BABAM2: variants seen among roughly 807,000 people sequenced by gnomAD.
BABAM2 encodes BRISC and BRCA1-A complex member 2.
A neutral mutation model predicts 54.7 loss-of-function variants in BABAM2; 31 were observed. That is an observed-to-expected ratio of 0.57 (90% CI 0.43 to 0.77). BABAM2 has a LOEUF of 0.77. BABAM2 is among the 30% of genes least tolerant of loss of function. The pLI is 0.00. For synonymous variants in BABAM2, 167 were observed against 162.9 expected (o/e 1.03, Z -0.19); for missense variants, 364 against 455.8 (o/e 0.80, Z 1.83).
At chr2:28,232,889 A>G (rs1681547645) in intron 7 of BABAM2, among the ~76,000 whole-genome samples, 1 of 152,150 alleles carries the variant, frequency 6.6e-6, no homozygotes, top group Non-Finnish European at 1.5e-5. Context: ...TTCAGTATAG[A>G]CAGTTCTTAC....
intron 10 of BABAM2, among the ~76,000 whole-genome samples, chr2:28,250,543 CT>C (rs1160535759): frequency 6.8e-6 from 1 of 147,192 alleles, no homozygotes; most frequent in Admixed American, 6.8e-5. Flanking sequence ...AACAATATAG[CT>C]TTTTCTGTCA....
chr2:28,158,846 G>C (rs1300731723), intron 7 of BABAM2, among the ~76,000 whole-genome samples: 1 of 152,220 alleles, frequency 6.6e-6, no homozygotes, highest in African/African-American at 2.4e-5. Flanking sequence ...TAAGTTGGCA[G>C]AGTAGGAAAT....
intron 7 of BABAM2, among the ~76,000 whole-genome samples, chr2:28,183,218 C>T (rs1206146094): frequency 6.6e-6 from 1 of 152,142 alleles, no homozygotes; most frequent in Admixed American, 6.5e-5. Context: ...TGGGGTGGAT[C>T]ACCTGAGGTC....
chr2:28,067,834 A>AT lies in BABAM2; in HGVS notation c.570+22036dup, dbSNP rs549356250. On this transcript the variant is annotated intron_variant, in intron 6 of 11. Transcript: ENST00000379624. ...ATGCTGGGAAGAGTTGAAGCTCCTT[A>AT]TGGCAGAATTGGTGTAATTCACCTT... Among the ~76,000 whole-genome samples the AT allele has an allele frequency of 9.8e-5, 15 of 152,334 alleles. No homozygotes were observed. The East Asian group carries it at 2.9e-3, about 29-fold the overall frequency.
chr2:28,246,035 A>G (rs1044615840), intron 10 of BABAM2, among the ~76,000 whole-genome samples: 2 of 152,170 alleles, frequency 1.3e-5, no homozygotes, highest in Non-Finnish European at 2.9e-5. Context: ...TCATATAGAG[A>G]TGATCGAGCG....
chr2:28,205,988 G>T (rs1465346609), intron 7 of BABAM2, among the ~76,000 whole-genome samples: 1 of 152,084 alleles, frequency 6.6e-6, no homozygotes, highest in Non-Finnish European at 1.5e-5. Flanking sequence ...AATCAAGTAG[G>T]AATTAGGAAG....
chr2:28,155,528 G>T (rs1439066293), intron 7 of BABAM2, among the ~76,000 whole-genome samples: 1 of 152,082 alleles, frequency 6.6e-6, no homozygotes, highest in African/African-American at 2.4e-5. Context: ...TCATACTAAG[G>T]TGACTGAGCT....
At chr2:28,110,540 C>T (rs1667908759) in intron 6 of BABAM2, among the ~76,000 whole-genome samples, 3 of 152,050 alleles carry the variant, frequency 2.0e-5, no homozygotes, top group Non-Finnish European at 1.5e-5. Flanking sequence ...AGGAGAATCA[C>T]TTGAACCCGG....
At chr2:28,012,870 T>C in intron 4 of BABAM2, among the ~76,000 whole-genome samples, 1 of 152,160 alleles carries the variant, frequency 6.6e-6, no homozygotes. Flanking sequence ...GAAGATTAGA[T>C]CAAGAGATGT....
intron 11 of BABAM2, chr2:28,309,325 CAT>C (rs1481941972): frequency 6.6e-6 from 1 of 152,122 alleles, no homozygotes; most frequent in Non-Finnish European, 1.5e-5. Flanking sequence ...CTCTGCCTTC[CAT>C]ATGTCTTCTG....
rs529003789 is a variant in BABAM2 at position 28,322,431 on chromosome 2, C to G, written c.1089-16019C>G. Among the ~76,000 whole-genome samples, 1 of 152,222 alleles carries G rather than the reference C, an allele frequency of 6.6e-6. No individual in the cohort carries two copies. Among genetic ancestry groups the G allele is most frequent in the Non-Finnish European group, 1.5e-5 (1 of 68,038 alleles). ...AGTTTCAAGGGGACAGATTCCAGTT[C>G]GGGAGAGAGAAGAACCCTGTAACTC... is the stretch of plus-strand genomic sequence containing the variant. On this transcript the variant is annotated intron_variant, in intron 11 of 11. Coordinates refer to ENST00000379624, the MANE Select transcript of BABAM2 (RefSeq NM_199191.3). The surrounding 1 kb of genome is among the most constrained non-coding windows in gnomAD (Gnocchi z 4.1).
chr2:27,955,458 T>TA (rs1253639845), intron 3 of BABAM2, among the ~76,000 whole-genome samples: 1 of 152,220 alleles, frequency 6.6e-6, no homozygotes, highest in Non-Finnish European at 1.5e-5. Flanking sequence ...CTAAAGTTAC[T>TA]AGGTAGCAAT....
At chr2:28,137,104 A>G (rs1055524874) in intron 7 of BABAM2, among the ~76,000 whole-genome samples, 1 of 152,138 alleles carries the variant, frequency 6.6e-6, no homozygotes, top group African/African-American at 2.4e-5. Flanking sequence ...TAAAGAAAAA[A>G]ATTCTTGCCT....
At chr2:28,030,190 A>G (rs192624028) in intron 5 of BABAM2, among the ~76,000 whole-genome samples, 1 of 152,290 alleles carries the variant, frequency 6.6e-6, no homozygotes, top group Non-Finnish European at 1.5e-5. Flanking sequence ...CTCAGCTAAT[A>G]CTTGAGTTGT....
chr2:27,996,214 C>A (rs535817440), intron 4 of BABAM2, among the ~76,000 whole-genome samples: 1 of 152,350 alleles, frequency 6.6e-6, no homozygotes, highest in South Asian at 2.1e-4. Flanking sequence ...ACGCAGTCTT[C>A]TTCCAGAGAG....
chr2:28,011,316 C>A (rs1307521277), intron 4 of BABAM2, among the ~76,000 whole-genome samples: 1 of 152,130 alleles, frequency 6.6e-6, no homozygotes, highest in Non-Finnish European at 1.5e-5. Context: ...TTGTGGATAT[C>A]CTTTCCTTCA....
rs1490341306 is a variant in BABAM2 at position 28,081,226 on chromosome 2, A to G, written c.570+35427A>G. ...TCCATCCAGAGTCCCTTCTACATGT[A>G]ACTCTCCCCAGGGCAAAGCGCCTGC... On this transcript the variant is annotated intron_variant, in intron 6 of 11. Transcript: ENST00000379624. Among the ~76,000 whole-genome samples, 4 of 152,126 alleles carry G rather than the reference A, an allele frequency of 2.6e-5. No individual in the cohort carries two copies. The East Asian group carries it at 7.7e-4, about 29-fold the overall frequency.
At chr2:28,298,273 C>CAA (rs551838727) in intron 10 of BABAM2, 65 bp from the exon 11 acceptor site, 8 of 1,201,784 alleles carry the variant, frequency 6.7e-6, no homozygotes, top group East Asian at 3.0e-5. Context: ...CGGATTTAGT[C>CAA]AAAAAAAAAA....
At chr2:28,233,054 T>C in intron 7 of BABAM2, 2 of 328,290 alleles carry the variant, frequency 6.1e-6, no homozygotes, top group South Asian at 5.3e-5. Flanking sequence ...CTAAGAATGA[T>C]CAACTAATTT....
Sources: allele counts gnomAD v4.1 joint callset (sites outside exome capture counted in the v4.1 genomes callset), GRCh38; gene constraint gnomAD v4.1.1; non-coding constraint Gnocchi (gnomAD v3.1); transcripts MANE v1.5; gene names NCBI Gene and HGNC (gene_info 2026-07-23, HGNC 2026-07-21).